ZFAND6: variants seen among roughly 807,000 people sequenced by gnomAD.
The protein encoded by ZFAND6 is AN1-type zinc finger protein 6.
Under a neutral mutation model 24.5 loss-of-function variants are expected in ZFAND6, and 12 were observed. The observed-to-expected ratio is 0.49, with a 90% CI of 0.31 to 0.79. The LOEUF is 0.79. Among genes scored for constraint, ZFAND6 ranks in the 30% least tolerant of loss-of-function variants. The pLI is 0.04. For missense variants in ZFAND6, 207 were observed against 245.9 expected, an observed-to-expected ratio of 0.84 and a Z score of 1.06; for synonymous variants, 92 against 81.5, an observed-to-expected ratio of 1.13 and a Z score of -0.69.
At chr15:80,109,468 G>A (rs568700152) in intron 2 of ZFAND6, among the ~76,000 whole-genome samples, 12 of 152,280 alleles carry the variant, frequency 7.9e-5, no homozygotes, top group African/African-American at 2.9e-4. Context: ...TGAAGGAGGT[G>A]AAGAACCTAG....
Position 80,118,016 on chromosome 15 carries a change from TTGTGTGTG to T in ZFAND6, c.-17-2300_-17-2293del, listed in dbSNP as rs71455308. ...GCTGGGATTCAATCCAGGTATTGAA[TTGTGTGTG>T]TGTGTGTGTGTATATGTATGTATAT... On this transcript the variant is annotated intron_variant, in intron 2 of 6. Coordinates refer to ENST00000261749, the MANE Select transcript of ZFAND6 (RefSeq NM_019006.4). Among the ~76,000 whole-genome samples the T allele has an allele frequency of 2.5e-3, 382 of 150,420 alleles. 4 individuals carry two copies. Among genetic ancestry groups the T allele is most frequent in the African/African-American group, 8.5e-3 (346 of 40,938 alleles).
chr15:80,113,757 A>G (rs2039727032), intron 2 of ZFAND6, among the ~76,000 whole-genome samples: 1 of 127,152 alleles, frequency 7.9e-6, no homozygotes, highest in South Asian at 2.9e-4. Context: ...TTGAAGAAGA[A>G]ACTTAGAGTT....
At chr15:80,083,706 C>T (rs1021269868) in intron 1 of ZFAND6, among the ~76,000 whole-genome samples, 6 of 152,226 alleles carry the variant, frequency 3.9e-5, no homozygotes, top group African/African-American at 9.6e-5. Flanking sequence ...GCCTGGCCAA[C>T]GTGGTGAAAC....
chr15:80,076,390 T>TC (rs2037277821), intron 1 of ZFAND6, among the ~76,000 whole-genome samples: 1 of 152,104 alleles, frequency 6.6e-6, no homozygotes, highest in South Asian at 2.1e-4. Context: ...CTTTTTTTTT[T>TC]TCCTTCACGT....
chr15:80,066,070 C>G (rs1341413416), intron 1 of ZFAND6, among the ~76,000 whole-genome samples: 1 of 152,074 alleles, frequency 6.6e-6, no homozygotes, highest in African/African-American at 2.4e-5. Flanking sequence ...GACATTCTGC[C>G]AAGTGCTGAG....
chr15:80,130,499 GGC>G (rs1254675428), intron 5 of ZFAND6: 1 of 152,158 alleles, frequency 6.6e-6, no homozygotes, highest in Non-Finnish European at 1.5e-5. Flanking sequence ...TTCTGACTCT[GGC>G]GACAGCATTC....
In ZFAND6 at chr15:80,137,651, C is replaced by T. The variant is rs2040923662; in HGVS notation, c.*23C>T. On this transcript the variant is annotated 3_prime_UTR_variant, in exon 7 of 7. Transcript: ENST00000261749. ...TGAACTCCTGCTGGAATACAAAATT[C>T]TTGAGCATCTGCAAACTAAAAATTG... is the stretch of plus-strand genomic sequence containing the variant. 6.4e-7 allele frequency: 1 copy of T among 1,553,310 alleles called. No homozygotes were observed. The highest frequency in any genetic ancestry group is 8.6e-7 in the Non-Finnish European group (1 of 1,157,122).
intron 5 of ZFAND6, chr15:80,130,026 T>G (rs2040527979): frequency 6.6e-6 from 1 of 152,242 alleles, no homozygotes. Context: ...AAGAAAATCA[T>G]GAAGGACCTC....
chr15:80,105,611 C>T (rs529474618), intron 2 of ZFAND6, among the ~76,000 whole-genome samples: 1 of 152,316 alleles, frequency 6.6e-6, no homozygotes, highest in South Asian at 2.1e-4. Flanking sequence ...TTAGAAAGGA[C>T]AGGCATCATA....
chr15:80,069,103 ATATTT>A (rs2036828928), intron 1 of ZFAND6, among the ~76,000 whole-genome samples: 1 of 152,116 alleles, frequency 6.6e-6, no homozygotes, highest in African/African-American at 2.4e-5. Context: ...CTTTTATGTA[ATATTT>A]TATTTATTTT....
rs1204136255 is a variant in ZFAND6 at position 80,059,726 on chromosome 15, G to A, written c.-264G>A. ...CGGTGGCGGAGCCGGAGCAAGCAGGGGTTCGGCGGCATTACCTGTACCCAT... is the reference window on the plus strand; with the variant it reads ...CGGTGGCGGAGCCGGAGCAAGCAGGAGTTCGGCGGCATTACCTGTACCCAT... On this transcript the variant is annotated 5_prime_UTR_variant, in exon 1 of 7. Coordinates refer to ENST00000261749, the MANE Select transcript of ZFAND6 (RefSeq NM_019006.4). 3.9e-5 allele frequency: 6 copies of A among 152,580 alleles called. No homozygotes were observed. The highest frequency in any genetic ancestry group is 1.4e-4 in the African/African-American group (6 of 41,454). The allele number at this position is 152,580 out of a possible 1,614,324, so 9.5% of individuals were successfully genotyped here. A position where few individuals can be genotyped will look rare whatever the true frequency, so the allele number is the denominator to read the frequency against.
intron 1 of ZFAND6, among the ~76,000 whole-genome samples, chr15:80,098,021 G>A (rs1596258067): frequency 6.6e-6 from 1 of 152,050 alleles, no homozygotes; most frequent in South Asian, 2.1e-4. Flanking sequence ...TCCCTAGTCC[G>A]GTGCTATGAC....
chr15:80,102,148 A>G (rs1385943753), intron 2 of ZFAND6, among the ~76,000 whole-genome samples: 1 of 148,980 alleles, frequency 6.7e-6, no homozygotes, highest in Non-Finnish European at 1.5e-5. Flanking sequence ...AGTTATTTTT[A>G]TTTTTCATTT....
intron 1 of ZFAND6, among the ~76,000 whole-genome samples, chr15:80,083,533 TAA>T (rs1467254025): frequency 6.6e-6 from 1 of 152,144 alleles, no homozygotes; most frequent in Non-Finnish European, 1.5e-5. Flanking sequence ...AGAAAATAAA[TAA>T]AAGTTAACCA....
intron 1 of ZFAND6, among the ~76,000 whole-genome samples, chr15:80,063,277 A>T (rs745912082): frequency 6.6e-6 from 1 of 152,256 alleles, no homozygotes; most frequent in Non-Finnish European, 1.5e-5. Flanking sequence ...TTATTTCAAC[A>T]TGTAATCAGT....
intron 2 of ZFAND6, among the ~76,000 whole-genome samples, chr15:80,110,653 C>T (rs2039561807): frequency 2.0e-5 from 3 of 150,938 alleles, no homozygotes; most frequent in Admixed American, 6.6e-5. Flanking sequence ...AGAAATAAAC[C>T]AGTAGAATAG....
intron 1 of ZFAND6, among the ~76,000 whole-genome samples, chr15:80,081,991 A>G (rs1184895321): frequency 6.6e-6 from 1 of 152,218 alleles, no homozygotes; most frequent in African/African-American, 2.4e-5. Context: ...GATGTACACT[A>G]AAAGCTTTAT....
chr15:80,065,537 A>C (rs913564551), intron 1 of ZFAND6, among the ~76,000 whole-genome samples: 1 of 76,506 alleles, frequency 1.3e-5, no homozygotes, highest in African/African-American at 5.3e-5. Flanking sequence ...TTTGGTTTTG[A>C]TTTTTTTTTT....
intron 2 of ZFAND6, among the ~76,000 whole-genome samples, chr15:80,106,459 T>C (rs2039330876): frequency 6.6e-6 from 1 of 152,236 alleles, no homozygotes; most frequent in Admixed American, 6.5e-5. Context: ...TGACAGACTC[T>C]ATGGCCCACA....
Sources: allele counts gnomAD v4.1 joint callset (sites outside exome capture counted in the v4.1 genomes callset), GRCh38; gene constraint gnomAD v4.1.1; transcripts MANE v1.5; gene names NCBI Gene and HGNC (gene_info 2026-07-23, HGNC 2026-07-21).